LCT: variants seen among roughly 807,000 people sequenced by gnomAD.
LCT encodes the protein lactase/phlorizin hydrolase.
Under a neutral mutation model 173.0 loss-of-function variants are expected in LCT, and 90 were observed. The observed-to-expected ratio is 0.52, with a 90% CI of 0.44 to 0.62. LCT has a LOEUF of 0.62. Ranked by LOEUF, LCT falls within the 20% of genes least tolerant of loss-of-function variation. The pLI, the probability that LCT is intolerant of heterozygous loss-of-function variation, is 0.00. For missense variants in LCT, 1,864 were observed against 2,431.4 expected, an observed-to-expected ratio of 0.77 and a Z score of 4.91; for synonymous variants, 853 against 957.6, an observed-to-expected ratio of 0.89 and a Z score of 2.02.
Position 135,809,645 on chromosome 2 carries a change from C to T in LCT, c.2702G>A (p.Gly901Glu). 1 of 1,614,228 alleles carries T rather than the reference C, an allele frequency of 6.2e-7. No homozygotes were observed. The highest frequency in any genetic ancestry group is 1.1e-5 in the South Asian group (1 of 91,090). ...CCACAGAAAGTCATCCCGAAACGTCCCGTGGTAGAACAAATCTCTTTCGAA... is the reference window on the plus strand; with the variant it reads ...CCACAGAAAGTCATCCCGAAACGTCTCGTGGTAGAACAAATCTCTTTCGAA... ...PKFERDLFYH[G>E]TFRDDFLWGV... The change falls in exon 8 of 17, where the codon GGG becomes GAG. Residue 901 changes from glycine (G) to glutamate (E), a missense_variant. Gly to Glu is a moderately conservative substitution (Grantham distance 98). Transcript: ENST00000264162. The surrounding 1 kb of genome is among the most constrained non-coding windows in gnomAD (Gnocchi z 5.5).
rs2077791404 is a variant in LCT, at chr2:135,817,631, C to A, written c.1417G>T (p.Gly473Cys). 1.2e-6 allele frequency: 2 copies of A among 1,613,888 alleles called. No individual in the cohort carries two copies. Among genetic ancestry groups the A allele is most frequent in the Non-Finnish European group, 1.7e-6 (2 of 1,180,014 alleles). ...ATCAGCTTGTTGTAGTAGGCAACGC[C>A]TGGGAGGCTGGGGCTGCTCCCGTGC... ...MGHGSSPSLP[G>C]VAYYNKLIDR... is the part of the protein sequence containing the mutation. The change falls in exon 6 of 17, where the codon GGC becomes TGC. Residue 473 changes from glycine to cysteine, a missense_variant. Around this residue, in one of 4 missense-constraint regions of LCT, gnomAD observed 183 missense variants for 293.1 expected, o/e 0.62. Coordinates refer to ENST00000264162, the MANE Select transcript of LCT (RefSeq NM_002299.4).
At chr2:135,836,019 T>TACATAC (rs1553436158) in intron 1 of LCT, among the ~76,000 whole-genome samples, 6 of 110,470 alleles carry the variant, frequency 5.4e-5, no homozygotes, top group African/African-American at 1.9e-4. Flanking sequence ...TATATATGTA[T>TACATAC]ACATATTTTT....
At chr2:135,803,396 G>A (rs2077643176) in intron 11 of LCT, among the ~76,000 whole-genome samples, 1 of 152,182 alleles carries the variant, frequency 6.6e-6, no homozygotes, top group Admixed American at 6.5e-5. Flanking sequence ...TTTCCTTTGA[G>A]AAAAGTACCT....
chr2:135,788,177 T>A lies in LCT; in HGVS notation c.*147A>T. On this transcript the variant is annotated 3_prime_UTR_variant, in exon 17 of 17. Coordinates refer to ENST00000264162, the MANE Select transcript of LCT (RefSeq NM_002299.4). ...ATTTTACTCAGCAAGTCGAAATCAT[T>A]CAAGATTAAAGTCATCTCTAACGGT... The A allele has an allele frequency of 1.4e-6, 1 of 704,436 alleles. No individual in the cohort carries two copies. The highest frequency in any genetic ancestry group is 2.5e-6 in the Non-Finnish European group (1 of 394,288). 43.6% of individuals were successfully genotyped at this position (704,436 alleles called of 1,614,324 possible).
chr2:135,796,854 A>C (rs2077586129), intron 13 of LCT, among the ~76,000 whole-genome samples: 1 of 151,990 alleles, frequency 6.6e-6, no homozygotes, highest in Non-Finnish European at 1.5e-5. Flanking sequence ...TGGAGATCAC[A>C]GTTCGCAGAT....
chr2:135,797,632 G>A (rs1181370922), intron 13 of LCT, among the ~76,000 whole-genome samples: 1 of 152,192 alleles, frequency 6.6e-6, no homozygotes, highest in Non-Finnish European at 1.5e-5. Flanking sequence ...AGGGGCGGGC[G>A]GGTAAGGAAG....
rs777842559 is a variant in LCT, at chr2:135,808,546, G to A, written c.3801C>T (p.Ile1267=). The A allele has an allele frequency of 1.2e-6, 2 of 1,614,228 alleles. No individual in the cohort carries two copies. Among genetic ancestry groups the A allele is most frequent in the African/African-American group, 1.3e-5 (1 of 75,056 alleles). ...LNWIKEEYGD[I]PIYITENGVG... is the part of the protein sequence containing the mutation. ...CTCCGTTTTCGGTGATGTAAATGGGGATGTCACCATACTCTTCCTTGATCC... is the reference window on the plus strand; with the variant it reads ...CTCCGTTTTCGGTGATGTAAATGGGAATGTCACCATACTCTTCCTTGATCC... The change falls in exon 8 of 17, where the codon ATC becomes ATT. Residue 1267 remains isoleucine (I), a synonymous_variant. Transcript: ENST00000264162.
chr2:135,817,652 C>T lies in LCT; in HGVS notation c.1396G>A (p.Gly466Arg), dbSNP rs377102890. The T allele has an allele frequency of 6.8e-6, 11 of 1,613,720 alleles. No individual in the cohort carries two copies. The highest frequency in any genetic ancestry group is 1.1e-5 in the South Asian group (1 of 91,080). ...SWSRIFPMGHGSSPSLPGVAY... is the reference protein window; with the variant it reads ...SWSRIFPMGHRSSPSLPGVAY... ...ACGCCTGGGAGGCTGGGGCTGCTCC[C>T]GTGCCCCATGGGGAAGATCCGGGAC... The change falls in exon 6 of 17, where the codon GGG becomes AGG. Residue 466 changes from glycine (G) to arginine (R), a missense_variant. By Grantham distance (125) the Gly-to-Arg change is moderately radical. This residue lies in a region of LCT where 183 missense variants were observed against 293.1 expected (regional missense o/e 0.62). Transcript: ENST00000264162.
intron 11 of LCT, among the ~76,000 whole-genome samples, chr2:135,802,638 C>T (rs549341389): frequency 6.6e-6 from 1 of 152,270 alleles, no homozygotes; most frequent in East Asian, 1.9e-4. Flanking sequence ...CATGTTCTTA[C>T]TCACATGTGG....
Position 135,827,572 on chromosome 2 carries a change from G to C in LCT, c.804+2021C>G, listed in dbSNP as rs546535981. ...TTTTCCACAGACTTGGGGGAGGTAG[G>C]GGGGATGATGGGGATGATTTGGGGA... On this transcript the variant is annotated intron_variant, in intron 3 of 16. Transcript: ENST00000264162. 1.4e-4 allele frequency among the ~76,000 whole-genome samples: 22 copies of C among 152,256 alleles called. No homozygotes were observed. In the East Asian group the frequency reaches 2.1e-3, roughly 15 times the overall value.
intron 4 of LCT, among the ~76,000 whole-genome samples, chr2:135,823,284 G>T (rs1379554416): frequency 1.3e-5 from 2 of 152,118 alleles, no homozygotes; most frequent in Non-Finnish European, 2.9e-5. Flanking sequence ...TCCAGTGACT[G>T]CCAGCCTCAA....
chr2:135,792,840 T>C (rs2077543421), intron 14 of LCT, among the ~76,000 whole-genome samples: 2 of 152,110 alleles, frequency 1.3e-5, no homozygotes, highest in South Asian at 4.1e-4. Flanking sequence ...ACATAAACTC[T>C]TGGGAGCTCT....
rs759159867 is a variant in LCT at position 135,804,055 on chromosome 2, T to C, written c.4538A>G (p.Gln1513Arg). The change falls in exon 11 of 17, where the codon CAG becomes CGG. Residue 1513 changes from glutamine (Q) to arginine (R), a missense_variant. Gln to Arg is a conservative substitution (Grantham distance 43). Coordinates refer to ENST00000264162, the MANE Select transcript of LCT (RefSeq NM_002299.4). The stretch of plus-strand genomic sequence containing the variant: ...CACATCTGCATACTCCTTAAACCGC[T>C]GCACGATGGTCTCATTCTCCCAGCC... ...VGGWENETIVQRFKEYADVLF... is the reference protein window; with the variant it reads ...VGGWENETIVRRFKEYADVLF... 6.2e-7 allele frequency: 1 copy of C among 1,614,172 alleles called. No homozygotes were observed. The highest frequency in any genetic ancestry group is 1.7e-5 in the Admixed American group (1 of 60,014).
Position 135,794,762 on chromosome 2 carries a change from TA to T in LCT, c.4989del (p.Phe1663LeufsTer60). ...AGLNKSRLPE[F>X]TESEKRRING... ...TTGATCCTCCTCTTCTCACTCTCTG[TA>T]AATTCTGGCAGCCTGGGTGGAAGAA... On this transcript the variant is annotated frameshift_variant, in exon 14 of 17. Transcript: ENST00000264162. LOFTEE classifies it high-confidence loss of function. 1 of 1,614,186 alleles carries T rather than the reference TA, an allele frequency of 6.2e-7. No individual in the cohort carries two copies. Among genetic ancestry groups the T allele is most frequent in the East Asian group, 2.2e-5 (1 of 44,888 alleles).
At chr2:135,813,044 CAAT>C (rs1171942977) in intron 6 of LCT, 88 bp from the exon 7 acceptor site, 5 of 1,145,546 alleles carry the variant, frequency 4.4e-6, no homozygotes, top group East Asian at 5.0e-5. Flanking sequence ...AAGTCAACAA[CAAT>C]GTCAACAAGT....
At chr2:135,822,477 C>A in intron 4 of LCT, 1 of 222,202 alleles carries the variant, frequency 4.5e-6, no homozygotes, top group South Asian at 7.3e-5. Flanking sequence ...ACTTTGGGAA[C>A]AATTGATTTA....
At chr2:135,791,798 A>G (rs2077534998) in intron 14 of LCT, among the ~76,000 whole-genome samples, 1 of 152,216 alleles carries the variant, frequency 6.6e-6, no homozygotes, top group African/African-American at 2.4e-5. Context: ...TTTCAAAGAA[A>G]GAACCTGGAC....
Position 135,808,817 on chromosome 2 carries a change from T to G in LCT, c.3530A>C (p.Glu1177Ala). Residue 1177 changes from glutamate (E) to alanine (A), a missense_variant, in exon 8 of 17, where the codon GAA (glutamate) becomes GCA (alanine). Physicochemically the swap from Glu to Ala is moderately radical, Grantham distance 107. Transcript: ENST00000264162. Reference sequence around the variant, plus strand: ...GCGGGAGGTGGCTAAGTGCTGCAGTTCACTCCTGTTCCCCACTTTCCACTT... The same window carrying G: ...GCGGGAGGTGGCTAAGTGCTGCAGTGCACTCCTGTTCCCCACTTTCCACTT... ...TMKWKVGNRS[E>A]LQHLATSRLP... The G allele has an allele frequency of 6.2e-7, 1 of 1,614,070 alleles. No homozygotes were observed. The highest frequency in any genetic ancestry group is 8.5e-7 in the Non-Finnish European group (1 of 1,179,942).
intron 11 of LCT, among the ~76,000 whole-genome samples, chr2:135,802,096 A>C (rs189174695): frequency 9.9e-5 from 15 of 152,272 alleles, no homozygotes; most frequent in Admixed American, 9.2e-4. Context: ...GCTGCAAGAG[A>C]GGCGCCTCTC....
Sources: allele counts gnomAD v4.1 joint callset (sites outside exome capture counted in the v4.1 genomes callset), GRCh38; gene constraint gnomAD v4.1.1; regional missense constraint gnomAD v4.1.1; non-coding constraint Gnocchi (gnomAD v3.1); transcripts MANE v1.5; gene names NCBI Gene and HGNC (gene_info 2026-07-23, HGNC 2026-07-21).